PIK3R3: variants seen among roughly 807,000 people sequenced by gnomAD.
PIK3R3 encodes phosphoinositide-3-kinase regulatory subunit 3.
A neutral mutation model predicts 62.9 loss-of-function variants in PIK3R3; 64 were observed. That is an observed-to-expected ratio of 1.02 (90% CI 0.83 to 1.25). The LOEUF (loss-of-function observed/expected upper bound fraction) is 1.25. PIK3R3 is among the 50% of genes most tolerant of loss of function. The pLI is 0.00. For missense variants in PIK3R3, 614 were observed against 561.6 expected, an observed-to-expected ratio of 1.09 and a Z score of -0.94; for synonymous variants, 165 against 189.0, an observed-to-expected ratio of 0.87 and a Z score of 1.04.
chr1:46,131,696 C>T lies in PIK3R3; in HGVS notation c.106+151G>A, dbSNP rs564083513. 63 of 570,328 alleles carry T rather than the reference C, an allele frequency of 1.1e-4. No individual in the cohort carries two copies. In the Middle Eastern group the frequency reaches 2.4e-3, roughly 22 times the overall value. 35.3% of individuals were successfully genotyped at this position (570,328 alleles called of 1,614,324 possible). A position where few individuals can be genotyped will look rare whatever the true frequency, so the allele number is the denominator to read the frequency against. On this transcript the variant is annotated intron_variant, in intron 1 of 9. Coordinates refer to ENST00000262741, the MANE Select transcript of PIK3R3 (RefSeq NM_003629.4). ...AACTGCAAACTTTAAACGTGTAAAC[C>T]AGAAGCAGTTTTACCGCAGCTGTAA...
the PIK3R3 span, among the ~76,000 whole-genome samples, chr1:46,170,003 T>C: frequency 6.6e-6 from 1 of 152,162 alleles, no homozygotes; most frequent in Non-Finnish European, 1.5e-5. Flanking sequence ...TATCAGGGCC[T>C]TGCTGGGAGC....
chr1:46,069,715 T>A (rs1291780856), intron 3 of PIK3R3, among the ~76,000 whole-genome samples: 1 of 152,070 alleles, frequency 6.6e-6, no homozygotes, highest in African/African-American at 2.4e-5. Flanking sequence ...ATGGTGAGCA[T>A]AGCTGGACAG....
At chr1:46,114,875 A>G (rs891206428) in intron 1 of PIK3R3, among the ~76,000 whole-genome samples, 35 of 151,182 alleles carry the variant, frequency 2.3e-4, no homozygotes, top group African/African-American at 8.3e-4. Flanking sequence ...TGGTCCTCCA[A>G]CAGTGCTGGG....
Position 46,080,661 on chromosome 1 carries a change from A to G in PIK3R3, c.196T>C (p.Tyr66His). 1 of 1,607,506 alleles carries G rather than the reference A, an allele frequency of 6.2e-7. No individual in the cohort carries two copies. Among genetic ancestry groups the G allele is most frequent in the African/African-American group, 1.3e-5 (1 of 74,900 alleles). Residue 66 changes from tyrosine (Y) to histidine (H), a missense_variant, in exon 2 of 10, where the codon TAC becomes CAC. Tyr to His is a moderately conservative substitution (Grantham distance 83). Transcript: ENST00000262741. The stretch of plus-strand genomic sequence containing the variant: ...AGTTACCTTGAAATATCCCCCCAGT[A>G]CCATTCTGCATCCTGAAGAGAAACA... ...SSVSLQDAEW[Y>H]WGDISREEVN... is the part of the protein sequence containing the mutation.
At chr1:46,167,234 G>A in the PIK3R3 span, among the ~76,000 whole-genome samples, 1 of 152,244 alleles carries the variant, frequency 6.6e-6, no homozygotes, top group Non-Finnish European at 1.5e-5. Flanking sequence ...AATAAATCCG[G>A]AGCGGATTTG....
chr1:46,045,412 A>G (rs1032124572), intron 9 of PIK3R3, among the ~76,000 whole-genome samples: 3 of 152,186 alleles, frequency 2.0e-5, no homozygotes, highest in Admixed American at 1.3e-4. Flanking sequence ...TAAAAGGAAA[A>G]TAGGCTTTTC....
intron 7 of PIK3R3, chr1:46,047,969 C>A (rs1647162149): frequency 6.6e-6 from 1 of 152,190 alleles, no homozygotes; most frequent in African/African-American, 2.4e-5. Context: ...TTAGTACAGA[C>A]AGGGTTTCAC....
At chr1:46,072,104 C>G (rs1649592960) in intron 3 of PIK3R3, among the ~76,000 whole-genome samples, 1 of 152,140 alleles carries the variant, frequency 6.6e-6, no homozygotes, top group Non-Finnish European at 1.5e-5. Flanking sequence ...GGTCAGTTTT[C>G]TACATTCTCT....
At chr1:46,125,394 CAGG>C (rs1655007568) in intron 1 of PIK3R3, among the ~76,000 whole-genome samples, 1 of 151,916 alleles carries the variant, frequency 6.6e-6, no homozygotes, top group Non-Finnish European at 1.5e-5. Flanking sequence ...TTACTACACA[CAGG>C]AGAAGTATTT....
the PIK3R3 span, among the ~76,000 whole-genome samples, chr1:46,145,982 A>G: frequency 1.3e-5 from 2 of 152,212 alleles, no homozygotes; most frequent in Non-Finnish European, 2.9e-5. Context: ...ACCCTTGGCC[A>G]TATGGATTTC....
intron 1 of PIK3R3, among the ~76,000 whole-genome samples, chr1:46,083,015 G>A (rs1008799033): frequency 1.3e-5 from 2 of 152,136 alleles, no homozygotes; most frequent in Non-Finnish European, 2.9e-5. Flanking sequence ...GGAGGCAGAG[G>A]TTGCAGTGAG....
At chr1:46,157,741 G>A in the PIK3R3 span, among the ~76,000 whole-genome samples, 8 of 152,198 alleles carry the variant, frequency 5.3e-5, no homozygotes, top group African/African-American at 1.9e-4. Context: ...GAAGGACTGG[G>A]TGATGGCCGA....
chr1:46,156,471 A>G, the PIK3R3 span, among the ~76,000 whole-genome samples: 14 of 152,102 alleles, frequency 9.2e-5, no homozygotes, highest in African/African-American at 2.9e-4. Flanking sequence ...AAAAAAAAAA[A>G]AAAAAAGGTA....
At position 46,043,883 on chromosome 1, in the gene PIK3R3, A is replaced by C. The variant is rs999627229; in HGVS notation, c.1188-12T>G. The C allele has an allele frequency of 6.2e-7, 1 of 1,607,710 alleles. No individual in the cohort carries two copies. The highest frequency in any genetic ancestry group is 1.3e-5 in the African/African-American group (1 of 74,818). On this transcript the variant is annotated splice_polypyrimidine_tract_variant and intron_variant, in intron 9 of 9. Transcript: ENST00000262741. ...CTTCCCCATCGGCCCTGCAATGACA[A>C]ACCACAGAAGAAATGTTAAGGTAGG... is the stretch of plus-strand genomic sequence containing the variant.
intron 6 of PIK3R3, among the ~76,000 whole-genome samples, chr1:46,059,133 T>C (rs1557564298): frequency 6.6e-6 from 1 of 152,252 alleles, no homozygotes; most frequent in African/African-American, 2.4e-5. Flanking sequence ...CATTCTCTCT[T>C]TGCCTGCTGC....
chr1:46,086,930 A>T (rs1651110661), intron 1 of PIK3R3, among the ~76,000 whole-genome samples: 1 of 152,196 alleles, frequency 6.6e-6, no homozygotes, highest in African/African-American at 2.4e-5. Flanking sequence ...TCACCAGTCC[A>T]GAGAAACAAT....
intron 6 of PIK3R3, among the ~76,000 whole-genome samples, chr1:46,058,427 T>C (rs1426817499): frequency 6.6e-6 from 1 of 152,216 alleles, no homozygotes; most frequent in East Asian, 1.9e-4. Flanking sequence ...TGTAGATTCA[T>C]TGACAGCTTA....
chr1:46,144,584 G>A, the PIK3R3 span, among the ~76,000 whole-genome samples: 13 of 152,036 alleles, frequency 8.6e-5, no homozygotes, highest in African/African-American at 2.7e-4. Flanking sequence ...CCTCGCCATC[G>A]TGGTGAAACC....
chr1:46,085,172 A>C (rs1650946573), intron 1 of PIK3R3, among the ~76,000 whole-genome samples: 1 of 152,256 alleles, frequency 6.6e-6, no homozygotes, highest in South Asian at 2.1e-4. Context: ...TTATAAAGGC[A>C]GTTGCTACAT....
Sources: gnomAD v4.1 joint callset for allele counts (sites outside exome capture counted in the v4.1 genomes callset) on GRCh38, gnomAD v4.1.1 for gene constraint, MANE v1.5 for transcripts, NCBI Gene and HGNC (gene_info 2026-07-23, HGNC 2026-07-21) for gene names.